Variants in PIK3C2G observed in about 807,000 individuals in gnomAD.
PIK3C2G encodes the protein phosphatidylinositol-4-phosphate 3-kinase catalytic subunit type 2 gamma.
In PIK3C2G, 168 loss-of-function variants were observed where a neutral mutation model predicts 181.1. The observed-to-expected ratio is 0.93, with a 90% CI of 0.82 to 1.05. PIK3C2G has a LOEUF of 1.05. Among genes scored for constraint, PIK3C2G ranks in the 50% least tolerant of loss-of-function variants. PIK3C2G has a pLI of 0.00. For missense variants in PIK3C2G, 1,869 were observed against 1,732.8 expected, an observed-to-expected ratio of 1.08 and a Z score of -1.40; for synonymous variants, 573 against 592.2, an observed-to-expected ratio of 0.97 and a Z score of 0.47.
At chr12:18,620,313 C>A (rs1948795990) in intron 31 of PIK3C2G, among the ~76,000 whole-genome samples, 1 of 151,858 alleles carries the variant, frequency 6.6e-6, no homozygotes, top group Admixed American at 6.6e-5. Context: ...ATTAATTAAC[C>A]CTGTCATCAT....
rs1185338401 is a variant in PIK3C2G at position 18,488,518 on chromosome 12, A to C, written c.2574A>C (p.Gln858His). ...SWYQKLLAAL[Q>H]FCAGKALNDE... ...ATCAGAAGCTACTAGCTGCTCTCCA[A>C]TTCTGTGCAGGTAAAGCCTTGAATG... The change falls in exon 19 of 33, where the codon CAA becomes CAC. Residue 858 changes from glutamine to histidine, a missense_variant. Physicochemically the swap from Gln to His is conservative, Grantham distance 24 (BLOSUM62 0). Coordinates refer to ENST00000538779, the MANE Select transcript of PIK3C2G (RefSeq NM_001288772.2). 6.3e-7 allele frequency: 1 copy of C among 1,588,690 alleles called. No individual in the cohort carries two copies. Among genetic ancestry groups the C allele is most frequent in the Non-Finnish European group, 8.6e-7 (1 of 1,167,972 alleles).
chr12:18,602,066 G>C (rs1387062662), intron 30 of PIK3C2G, among the ~76,000 whole-genome samples: 1 of 152,146 alleles, frequency 6.6e-6, no homozygotes, highest in East Asian at 1.9e-4. Flanking sequence ...GCACGAATCC[G>C]GCTTGGAGAC....
the PIK3C2G span, among the ~76,000 whole-genome samples, chr12:18,702,855 C>G: frequency 1.5e-5 from 2 of 129,724 alleles, no homozygotes; most frequent in African/African-American, 5.9e-5. Flanking sequence ...GAGTCTCACT[C>G]TGTCACCCAG....
chr12:18,346,667 C>A lies in PIK3C2G; in HGVS notation c.1456C>A (p.Leu486Ile). 1 of 1,611,990 alleles carries A rather than the reference C, an allele frequency of 6.2e-7. No individual in the cohort carries two copies. Among genetic ancestry groups the A allele is most frequent in the Non-Finnish European group, 8.5e-7 (1 of 1,178,544 alleles). Residue 486 changes from leucine (L) to isoleucine (I), a missense_variant, in exon 11 of 33, where the codon CTA becomes ATA. By Grantham distance (5) the Leu-to-Ile change is conservative. Transcript: ENST00000538779. Reference sequence around the variant, plus strand: ...CTTGATAGAGAAGGTAACAACTGAACTATCCACATCCATCTACCAGCTAAT... The same window carrying A: ...CTTGATAGAGAAGGTAACAACTGAAATATCCACATCCATCTACCAGCTAAT... ...KGLIEKVTTE[L>I]STSIYQLINV...
At chr12:18,254,889 A>C (rs896386169) in intron 1 of PIK3C2G, among the ~76,000 whole-genome samples, 1 of 151,644 alleles carries the variant, frequency 6.6e-6, no homozygotes, top group Non-Finnish European at 1.5e-5. Flanking sequence ...TAATTTAAAA[A>C]ATTTAAATTT....
chr12:18,470,743 C>T (rs2135975612), intron 18 of PIK3C2G, among the ~76,000 whole-genome samples: 1 of 152,232 alleles, frequency 6.6e-6, no homozygotes, highest in African/African-American at 2.4e-5. Context: ...TGCAACTCTT[C>T]CTTCCTTCCA....
chr12:18,670,405 T>A, the PIK3C2G span, among the ~76,000 whole-genome samples: 9 of 152,102 alleles, frequency 5.9e-5, no homozygotes, highest in African/African-American at 2.2e-4. Context: ...TATTGTCTAG[T>A]TCAGCAACCT....
chr12:18,367,715 C>T lies in PIK3C2G; in HGVS notation c.1749-3465C>T, dbSNP rs557780273. On this transcript the variant is annotated intron_variant, in intron 12 of 32. Coordinates refer to ENST00000538779, the MANE Select transcript of PIK3C2G (RefSeq NM_001288772.2). ...GATTACAGGCATGCATGTGCCACCA[C>T]GCCTGGCTAATTATGTATTTTTAGT... Among the ~76,000 whole-genome samples the T allele has an allele frequency of 5.3e-5, 8 of 152,008 alleles. No individual in the cohort carries two copies. The East Asian group carries it at 5.8e-4, about 11-fold the overall frequency.
At chr12:18,447,172 T>C (rs941821932) in intron 18 of PIK3C2G, among the ~76,000 whole-genome samples, 1 of 152,204 alleles carries the variant, frequency 6.6e-6, no homozygotes, top group African/African-American at 2.4e-5. Flanking sequence ...TGATCACTTT[T>C]TACTCAGGGC....
intron 5 of PIK3C2G, among the ~76,000 whole-genome samples, chr12:18,308,205 C>T (rs1242500649): frequency 1.3e-5 from 2 of 151,636 alleles, no homozygotes; most frequent in East Asian, 1.9e-4. Context: ...GAAAGTGTGA[C>T]GGTTATTAGA....
At chr12:18,269,523 A>C (rs1948655348) in intron 1 of PIK3C2G, among the ~76,000 whole-genome samples, 2 of 152,202 alleles carry the variant, frequency 1.3e-5, no homozygotes, top group South Asian at 4.1e-4. Context: ...CCATGTAAGG[A>C]GATTTCATTT....
chr12:18,668,385 G>T, the PIK3C2G span, among the ~76,000 whole-genome samples: 1 of 152,258 alleles, frequency 6.6e-6, no homozygotes. Context: ...GTGATTAAGG[G>T]AAAATTTGTA....
chr12:18,258,147 A>C (rs1395734915), upstream of PIK3C2G, among the ~76,000 whole-genome samples: 1 of 152,194 alleles, frequency 6.6e-6, no homozygotes, highest in African/African-American at 2.4e-5. Context: ...ATTAATAATG[A>C]AAATGACAGA....
At chr12:18,381,717 C>T in intron 13 of PIK3C2G, 49 bp from the exon 14 acceptor site, 1 of 1,025,612 alleles carries the variant, frequency 9.8e-7, no homozygotes, top group South Asian at 1.3e-5. Context: ...ATTATAACTT[C>T]CCTCATGAAG....
chr12:18,554,755 T>A (rs1326266483), intron 26 of PIK3C2G, among the ~76,000 whole-genome samples: 1 of 152,120 alleles, frequency 6.6e-6, no homozygotes. Context: ...GCACTGGTCA[T>A]ATATTTCAGA....
chr12:18,448,440 A>G (rs978548894), intron 18 of PIK3C2G, among the ~76,000 whole-genome samples: 1 of 152,152 alleles, frequency 6.6e-6, no homozygotes, highest in Non-Finnish European at 1.5e-5. Flanking sequence ...AAAATGATCA[A>G]TATACAATAC....
chr12:18,280,382 TC>T (rs947608702), intron 1 of PIK3C2G, among the ~76,000 whole-genome samples: 4 of 151,974 alleles, frequency 2.6e-5, no homozygotes, highest in Non-Finnish European at 5.9e-5. Context: ...GTTTTACCTT[TC>T]CCGGGCATTC....
chr12:18,287,476 CTTCT>C (rs947831439), intron 3 of PIK3C2G, among the ~76,000 whole-genome samples: 3 of 152,050 alleles, frequency 2.0e-5, no homozygotes, highest in African/African-American at 7.3e-5. Context: ...ACATAAATGC[CTTCT>C]TTAAGGCAAA....
chr12:18,600,223 A>T (rs982049578), intron 30 of PIK3C2G, among the ~76,000 whole-genome samples: 11 of 152,012 alleles, frequency 7.2e-5, no homozygotes, highest in Non-Finnish European at 1.3e-4. Context: ...TAATCATTTA[A>T]TCACTTTAAC....
Sources: gnomAD v4.1 joint callset for allele counts (sites outside exome capture counted in the v4.1 genomes callset) on GRCh38, gnomAD v4.1.1 for gene constraint, MANE v1.5 for transcripts, NCBI Gene and HGNC (gene_info 2026-07-23, HGNC 2026-07-21) for gene names.